Variants in ACSS3 observed in about 807,000 individuals in gnomAD.
ACSS3 encodes acyl-CoA synthetase short chain family member 3.
Under a neutral mutation model 84.2 loss-of-function variants are expected in ACSS3, and 64 were observed. That is an observed-to-expected ratio of 0.76 (90% CI 0.62 to 0.94). The LOEUF (loss-of-function observed/expected upper bound fraction) is 0.94. Among genes scored for constraint, ACSS3 ranks in the 40% least tolerant of loss-of-function variants. The probability of loss-of-function intolerance (pLI) is 0.00; values close to 1 mark genes in which losing one functional copy is unlikely to be tolerated. For missense variants in ACSS3, 815 were observed against 867.6 expected, an observed-to-expected ratio of 0.94 and a Z score of 0.76; for synonymous variants, 317 against 310.1, an observed-to-expected ratio of 1.02 and a Z score of -0.23.
chr12:81,123,283 C>T (rs1884791565), intron 2 of ACSS3, among the ~76,000 whole-genome samples: 1 of 152,074 alleles, frequency 6.6e-6, no homozygotes, highest in Non-Finnish European at 1.5e-5. Context: ...TAGCTGGAAA[C>T]AGATACATGA....
chr12:81,171,840 G>T (rs2135811772), intron 7 of ACSS3, among the ~76,000 whole-genome samples: 1 of 152,218 alleles, frequency 6.6e-6, no homozygotes, highest in Non-Finnish European at 1.5e-5. Flanking sequence ...TAGTGGTATA[G>T]CCTACTACAT....
intron 2 of ACSS3, among the ~76,000 whole-genome samples, chr12:81,114,346 C>T (rs1282883285): frequency 5.3e-5 from 8 of 152,054 alleles, no homozygotes; most frequent in Non-Finnish European, 8.8e-5. Context: ...AGGGCCATGT[C>T]CCATGAGAAT....
Position 81,200,422 on chromosome 12 carries a change from G to T in ACSS3, c.1354+978G>T, listed in dbSNP as rs140696040. ...ATCTGGGGCAGAATATCAAATTTGG[G>T]TTAAAAATTAGTGAGATTACTTTGC... is the stretch of plus-strand genomic sequence containing the variant. On this transcript the variant is annotated intron_variant, in intron 9 of 15. Coordinates refer to ENST00000548058, the MANE Select transcript of ACSS3 (RefSeq NM_024560.4). Among the ~76,000 whole-genome samples, 280 of 152,230 alleles carry T rather than the reference G, an allele frequency of 1.8e-3. 1 individual carries two copies. The highest frequency in any genetic ancestry group is 0.013 in the East Asian group (67 of 5,184).
intron 1 of ACSS3, among the ~76,000 whole-genome samples, chr12:81,105,762 T>C (rs945194531): frequency 6.6e-5 from 10 of 152,238 alleles, no homozygotes; most frequent in Non-Finnish European, 1.5e-4. Flanking sequence ...ATTCTTCTTG[T>C]AGTCTTTAAG....
intron 8 of ACSS3, among the ~76,000 whole-genome samples, chr12:81,176,251 T>C (rs1303068218): frequency 1.3e-5 from 2 of 152,032 alleles, no homozygotes; most frequent in Admixed American, 6.5e-5. Flanking sequence ...CTAGAAGAAA[T>C]GGATAAATTT....
At chr12:81,093,817 T>A (rs1881833164) in intron 1 of ACSS3, among the ~76,000 whole-genome samples, 1 of 152,148 alleles carries the variant, frequency 6.6e-6, no homozygotes, top group Non-Finnish European at 1.5e-5. Context: ...TATTTATATT[T>A]TATGTGTAGA....
intron 8 of ACSS3, among the ~76,000 whole-genome samples, chr12:81,178,793 C>A (rs1405234263): frequency 6.6e-6 from 1 of 152,080 alleles, no homozygotes; most frequent in Admixed American, 6.5e-5. Context: ...TAGAAAAAAA[C>A]TATTCTACAA....
At chr12:81,107,925 A>G (rs1223823438) in intron 1 of ACSS3, among the ~76,000 whole-genome samples, 1 of 152,026 alleles carries the variant, frequency 6.6e-6, no homozygotes, top group Non-Finnish European at 1.5e-5. Context: ...GTAGTGGTGC[A>G]GGAGAGCTAG....
At chr12:81,150,041 T>C (rs959853554) in intron 5 of ACSS3, among the ~76,000 whole-genome samples, 4 of 152,200 alleles carry the variant, frequency 2.6e-5, no homozygotes, top group South Asian at 2.1e-4. Context: ...TGTCAACTTA[T>C]CCTTTACATT....
intron 7 of ACSS3, among the ~76,000 whole-genome samples, chr12:81,160,595 G>A (rs1887102952): frequency 6.6e-6 from 1 of 152,148 alleles, no homozygotes; most frequent in African/African-American, 2.4e-5. Flanking sequence ...TGAGAGGGTT[G>A]ACACACACTG....
chr12:81,139,934 C>A (rs1886012283), intron 4 of ACSS3, among the ~76,000 whole-genome samples: 2 of 152,002 alleles, frequency 1.3e-5, no homozygotes, highest in African/African-American at 4.8e-5. Flanking sequence ...CGCGCCCGGC[C>A]ATATTTTTTA....
intron 8 of ACSS3, among the ~76,000 whole-genome samples, chr12:81,178,392 C>T (rs1468639311): frequency 2.0e-5 from 3 of 149,706 alleles, no homozygotes; most frequent in East Asian, 1.9e-4. Flanking sequence ...TCCAGCACAC[C>T]AGCATGGCAC....
chr12:81,234,842 C>T (rs1414707784), intron 13 of ACSS3, among the ~76,000 whole-genome samples: 1 of 151,056 alleles, frequency 6.6e-6, no homozygotes, highest in Non-Finnish European at 1.5e-5. Context: ...TTTCTAGTTT[C>T]TGACTGATCT....
At chr12:81,131,298 T>G (rs1364517819) in intron 2 of ACSS3, among the ~76,000 whole-genome samples, 1 of 152,176 alleles carries the variant, frequency 6.6e-6, no homozygotes, top group African/African-American at 2.4e-5. Flanking sequence ...CCTCTTTTAT[T>G]TTGTTGAGCA....
At chr12:81,214,098 T>C (rs1294911186) in intron 9 of ACSS3, among the ~76,000 whole-genome samples, 2 of 150,842 alleles carry the variant, frequency 1.3e-5, no homozygotes, top group Admixed American at 1.3e-4. Context: ...TGATCTCGGC[T>C]CACTGCAACT....
At chr12:81,132,086 C>T (rs932379825) in intron 2 of ACSS3, among the ~76,000 whole-genome samples, 12 of 151,988 alleles carry the variant, frequency 7.9e-5, no homozygotes, top group Non-Finnish European at 1.6e-4. Context: ...GTCTAAAATT[C>T]TCTTTTTTTG....
intron 9 of ACSS3, among the ~76,000 whole-genome samples, chr12:81,215,732 C>T (rs1242768911): frequency 2.6e-5 from 4 of 152,114 alleles, no homozygotes; most frequent in African/African-American, 7.2e-5. Context: ...CCTGCCCTTT[C>T]GTACATATAT....
intron 9 of ACSS3, among the ~76,000 whole-genome samples, chr12:81,201,213 T>C (rs1355979773): frequency 6.6e-6 from 1 of 152,232 alleles, no homozygotes; most frequent in Admixed American, 6.5e-5. Flanking sequence ...GTATCCCCTA[T>C]TAGCCAGGAA....
At chr12:81,205,565 C>A (rs1401261878) in intron 9 of ACSS3, among the ~76,000 whole-genome samples, 1 of 152,042 alleles carries the variant, frequency 6.6e-6, no homozygotes, top group Admixed American at 6.6e-5. Flanking sequence ...CTGTCTCATT[C>A]CTCCTAAGTA....
Sources: gnomAD v4.1 joint callset for allele counts (sites outside exome capture counted in the v4.1 genomes callset) on GRCh38, gnomAD v4.1.1 for gene constraint, MANE v1.5 for transcripts, NCBI Gene and HGNC (gene_info 2026-07-23, HGNC 2026-07-21) for gene names.